HSD17B12: variants seen among roughly 807,000 people sequenced by gnomAD.
HSD17B12 encodes very-long-chain 3-oxoacyl-CoA reductase.
Under a neutral mutation model 39.3 loss-of-function variants are expected in HSD17B12, and 32 were observed. That is an observed-to-expected ratio of 0.81 (90% CI 0.61 to 1.09). HSD17B12 has a LOEUF of 1.09. Among genes scored for constraint, HSD17B12 ranks in the 50% least tolerant of loss-of-function variants. The pLI is 0.00. For missense variants in HSD17B12, 342 were observed against 382.9 expected, an observed-to-expected ratio of 0.89 and a Z score of 0.89; for synonymous variants, 150 against 146.7, an observed-to-expected ratio of 1.02 and a Z score of -0.16.
chr11:43,785,999 A>C (rs1405758412), intron 3 of HSD17B12, among the ~76,000 whole-genome samples: 1 of 152,234 alleles, frequency 6.6e-6, no homozygotes, highest in African/African-American at 2.4e-5. Flanking sequence ...CAAGTTTTCC[A>C]AAACCCTTAT....
At chr11:43,850,204 TA>T (rs1565112668) in intron 9 of HSD17B12, among the ~76,000 whole-genome samples, 1 of 152,234 alleles carries the variant, frequency 6.6e-6, no homozygotes, top group Non-Finnish European at 1.5e-5. Flanking sequence ...CAAGGGCCTT[TA>T]TATGGAAAAG....
chr11:43,632,774 C>T, the HSD17B12 span, among the ~76,000 whole-genome samples: 1 of 152,108 alleles, frequency 6.6e-6, no homozygotes, highest in Non-Finnish European at 1.5e-5. Flanking sequence ...CATTTCTACA[C>T]ATATATTTTT....
chr11:43,619,317 T>G, the HSD17B12 span, among the ~76,000 whole-genome samples: 1 of 144,450 alleles, frequency 6.9e-6, no homozygotes, highest in Non-Finnish European at 1.5e-5. Flanking sequence ...ATTTGTGGAT[T>G]AGTATCTATG....
At chr11:43,624,735 G>A in the HSD17B12 span, among the ~76,000 whole-genome samples, 1 of 151,692 alleles carries the variant, frequency 6.6e-6, no homozygotes, top group South Asian at 2.1e-4. Flanking sequence ...ACTTTAAAAA[G>A]TAAATATTCA....
intron 3 of HSD17B12, among the ~76,000 whole-genome samples, chr11:43,766,312 C>T (rs1034908562): frequency 2.6e-5 from 4 of 152,182 alleles, no homozygotes; most frequent in African/African-American, 9.7e-5. Context: ...TAGAAAATCT[C>T]TCCAGACTAT....
chr11:43,572,736 C>T, the HSD17B12 span, among the ~76,000 whole-genome samples: 13 of 152,128 alleles, frequency 8.5e-5, no homozygotes, highest in Non-Finnish European at 1.9e-4. Flanking sequence ...TAAAAGTGTC[C>T]GGCACAGTGT....
intron 1 of HSD17B12, among the ~76,000 whole-genome samples, chr11:43,712,726 C>T (rs866867284): frequency 2.6e-5 from 4 of 152,080 alleles, no homozygotes; most frequent in Admixed American, 6.6e-5. Context: ...GCGTCCTTAA[C>T]GTTGGCAAAA....
chr11:43,783,489 G>T (rs959105003), intron 3 of HSD17B12, among the ~76,000 whole-genome samples: 1 of 149,370 alleles, frequency 6.7e-6, no homozygotes, highest in Non-Finnish European at 1.5e-5. Flanking sequence ...AGGTATACAC[G>T]TGCCATGGTG....
intron 3 of HSD17B12, among the ~76,000 whole-genome samples, chr11:43,787,630 G>C (rs1950827555): frequency 6.6e-6 from 1 of 151,810 alleles, no homozygotes; most frequent in African/African-American, 2.4e-5. Flanking sequence ...CCAGCTTCTT[G>C]GGAGGCTGAG....
At chr11:43,843,280 T>C (rs1330252525) in intron 9 of HSD17B12, among the ~76,000 whole-genome samples, 2 of 152,186 alleles carry the variant, frequency 1.3e-5, no homozygotes, top group Non-Finnish European at 2.9e-5. Flanking sequence ...AAAAATGTAG[T>C]CTAAATGAAG....
chr11:43,577,266 A>C, the HSD17B12 span, among the ~76,000 whole-genome samples: 1 of 152,112 alleles, frequency 6.6e-6, no homozygotes, highest in Non-Finnish European at 1.5e-5. Flanking sequence ...GATGCAGGAG[A>C]GGGATACGGG....
chr11:43,837,499 T>C (rs1161720306), intron 7 of HSD17B12, among the ~76,000 whole-genome samples: 2 of 152,180 alleles, frequency 1.3e-5, no homozygotes, highest in Admixed American at 6.5e-5. Flanking sequence ...TTTTAACAAC[T>C]GGTATCTTTA....
intron 9 of HSD17B12, chr11:43,852,924 A>C (rs1951545879): frequency 6.6e-6 from 1 of 152,208 alleles, no homozygotes; most frequent in African/African-American, 2.4e-5. Flanking sequence ...ACAGCACTCC[A>C]TCTGGGGTTC....
intron 1 of HSD17B12, among the ~76,000 whole-genome samples, chr11:43,722,472 G>A (rs1950184442): frequency 6.6e-6 from 1 of 152,192 alleles, no homozygotes; most frequent in Admixed American, 6.5e-5. Context: ...AGCACATTGG[G>A]AGGCTGAAGC....
At chr11:43,752,822 A>G (rs1277529973) in intron 2 of HSD17B12, among the ~76,000 whole-genome samples, 1 of 152,122 alleles carries the variant, frequency 6.6e-6, no homozygotes, top group East Asian at 1.9e-4. Context: ...TTAATTTTTT[A>G]AAAGAAAGTA....
chr11:43,845,410 C>T (rs1951465856), intron 9 of HSD17B12, among the ~76,000 whole-genome samples: 1 of 152,192 alleles, frequency 6.6e-6, no homozygotes, highest in Non-Finnish European at 1.5e-5. Context: ...TTTATCCTCT[C>T]CTCTTCCTCC....
chr11:43,660,823 G>A, the HSD17B12 span, among the ~76,000 whole-genome samples: 1 of 152,124 alleles, frequency 6.6e-6, no homozygotes, highest in South Asian at 2.1e-4. Flanking sequence ...ATACTACTCA[G>A]CAATAAAAAG....
At chr11:43,713,745 A>G (rs1302365261) in intron 1 of HSD17B12, among the ~76,000 whole-genome samples, 2 of 152,170 alleles carry the variant, frequency 1.3e-5, no homozygotes, top group Non-Finnish European at 2.9e-5. Context: ...TCCCACCAAC[A>G]GTGTAAAAGT....
intron 7 of HSD17B12, among the ~76,000 whole-genome samples, chr11:43,834,490 G>C (rs1179993395): frequency 1.3e-5 from 2 of 151,982 alleles, no homozygotes. Context: ...CTTCCCACCT[G>C]CACTGTGGGA....
Sources: gnomAD v4.1 joint callset for allele counts (sites outside exome capture counted in the v4.1 genomes callset) on GRCh38, gnomAD v4.1.1 for gene constraint, MANE v1.5 for transcripts, NCBI Gene and HGNC (gene_info 2026-07-23, HGNC 2026-07-21) for gene names.